The following NOD2 variants were observed in gnomAD, a reference collection of about 807,000 sequenced individuals.
NOD2 encodes nucleotide binding oligomerization domain containing 2.
A neutral mutation model predicts 90.9 loss-of-function variants in NOD2; 86 were observed. The ratio of observed to expected loss-of-function variants is 0.95; its 90% CI spans 0.79 to 1.13. The LOEUF (loss-of-function observed/expected upper bound fraction) is 1.13. Among genes scored for constraint, NOD2 ranks in the 50% most tolerant of loss-of-function variants. NOD2 has a pLI of 0.00. For missense variants in NOD2, 1,238 were observed against 1,283.8 expected (o/e 0.96, Z 0.55); for synonymous variants, 581 against 554.6 (o/e 1.05, Z -0.67).
intron 2 of NOD2, among the ~76,000 whole-genome samples, chr16:50,703,987 T>G (rs779902227): frequency 3.9e-5 from 6 of 152,198 alleles, no homozygotes; most frequent in Non-Finnish European, 8.8e-5. Flanking sequence ...AAGGCTATTA[T>G]AGCTCACAGG....
At chr16:50,721,581 C>T (rs1965064209) in intron 7 of NOD2, among the ~76,000 whole-genome samples, 1 of 152,050 alleles carries the variant, frequency 6.6e-6, no homozygotes, top group South Asian at 2.1e-4. Flanking sequence ...TAGCCTTGAA[C>T]TCCTGAGCTC....
chr16:50,697,282 G>C, intron 1 of NOD2: 1 of 1,560,710 alleles, frequency 6.4e-7, no homozygotes, highest in Non-Finnish European at 8.7e-7. Flanking sequence ...ACGATGAGGA[G>C]GAAAGAGCAA....
intron 1 of NOD2, chr16:50,697,103 C>A: frequency 1.2e-6 from 1 of 806,008 alleles, no homozygotes; most frequent in Non-Finnish European, 2.1e-6. Context: ...TGGCCTCCGG[C>A]TTTTCCTTTG....
In NOD2 at chr16:50,699,614, C is replaced by G. The variant is rs146149433; in HGVS notation, c.119C>G (p.Ser40Cys). The G allele has an allele frequency of 1.1e-5, 17 of 1,613,966 alleles. No homozygotes were observed. The highest frequency in any genetic ancestry group is 1.4e-5 in the Non-Finnish European group (16 of 1,180,028). Residue 40 changes from serine to cysteine, a missense_variant, in exon 2 of 12, where the codon TCC (serine) becomes TGC (cysteine). Ser to Cys is a moderately radical substitution (Grantham distance 112). This residue lies in a region of NOD2 where 567 missense variants were observed against 577.3 expected (regional missense o/e 0.98). Transcript: ENST00000647318. ...LDWLLSWEVL[S>C]WEDYEGFHLL... ...TGGCTGCTGTCCTGGGAGGTCCTCT[C>G]CTGGGAGGACTACGAGGGCTTCCAC... is the stretch of plus-strand genomic sequence containing the variant.
At chr16:50,731,612 C>T (rs1380785875) in intron 11 of NOD2, 135 bp from the exon 12 acceptor site, 4 of 710,416 alleles carry the variant, frequency 5.6e-6, no homozygotes, top group African/African-American at 3.5e-5. Flanking sequence ...CCCTGACTTC[C>T]CTGCAAGAAA....
Position 50,699,503 on chromosome 16 carries a change from C to G in NOD2, c.8C>G (p.Ser3Trp), listed in dbSNP as rs768775316. The G allele has an allele frequency of 5.0e-6, 8 of 1,613,198 alleles. No individual in the cohort carries two copies. Among genetic ancestry groups the G allele is most frequent in the Non-Finnish European group, 6.8e-6 (8 of 1,179,992 alleles). ...TCCTCCCCAGGTTGTGAAATGTGCT[C>G]GCAGGAGGCTTTTCAGGCACAGAGG... MC[S>W]QEAFQAQRSQ... The change falls in exon 2 of 12, where the codon TCG becomes TGG. Residue 3 changes from serine (S) to tryptophan (W), a missense_variant. Ser to Trp is a radical substitution (Grantham distance 177). Transcript: ENST00000647318.
chr16:50,716,485 G>A, intron 4 of NOD2, 102 bp from the exon 5 acceptor site: 4 of 1,139,682 alleles, frequency 3.5e-6, no homozygotes, highest in Non-Finnish European at 5.1e-6. Context: ...AAGCACAGAT[G>A]CTGGCACTTC....
Position 50,712,314 on chromosome 16 carries a change from T to C in NOD2, c.2322T>C (p.Ser774=), listed in dbSNP as rs1195028650. The change falls in exon 4 of 12, where the codon TCT becomes TCC. Residue 774 remains serine (S), a synonymous_variant. Coordinates refer to ENST00000647318, the MANE Select transcript of NOD2 (RefSeq NM_001370466.1). ...TGGCCCTGCAGCTGGACTACAACTC[T>C]GTGGGTGACATTGGCGTGGAGCAGC... ...RPVALQLDYN[S]VGDIGVEQLL... 1.9e-6 allele frequency: 3 copies of C among 1,613,948 alleles called. No individual in the cohort carries two copies. The highest frequency in any genetic ancestry group is 1.7e-6 in the Non-Finnish European group (2 of 1,180,044).
chr16:50,711,317 T>G lies in NOD2; in HGVS notation c.1325T>G (p.Leu442Arg), dbSNP rs1202641657. The G allele has an allele frequency of 1.2e-6, 2 of 1,613,684 alleles. No homozygotes were observed. The highest frequency in any genetic ancestry group is 1.7e-6 in the Non-Finnish European group (2 of 1,180,014). The change falls in exon 4 of 12, where the codon CTC becomes CGC. Residue 442 changes from leucine to arginine, a missense_variant. By Grantham distance (102) the Leu-to-Arg change is moderately radical. Around this residue, in one of 3 missense-constraint regions of NOD2, gnomAD observed 567 missense variants for 577.3 expected, o/e 0.98. Coordinates refer to ENST00000647318, the MANE Select transcript of NOD2 (RefSeq NM_001370466.1). ...RHHEPGVADR[L>R]IRLLQETSAL... ...CATGAGCCCGGGGTGGCGGACCGCC[T>G]CATCCGCCTGCTCCAAGAGACCTCA...
Position 50,703,885 on chromosome 16 carries a change from T to A in NOD2, c.459+3931T>A, listed in dbSNP as rs530777762. Among the ~76,000 whole-genome samples the A allele has an allele frequency of 3.8e-4, 58 of 151,784 alleles. 1 individual carries two copies. Among genetic ancestry groups the A allele is most frequent in the African/African-American group, 1.4e-3 (57 of 41,348 alleles). On this transcript the variant is annotated intron_variant, in intron 2 of 11. Transcript: ENST00000647318. ...TATTGGGCTCATTGCAACTGGAGGGTCTGGTAGGACTGATGTGAATTAGGT... is the reference window on the plus strand; with the variant it reads ...TATTGGGCTCATTGCAACTGGAGGGACTGGTAGGACTGATGTGAATTAGGT...
intron 4 of NOD2, chr16:50,712,611 A>C: frequency 9.5e-5 from 56 of 587,420 alleles, no homozygotes; most frequent in East Asian, 2.0e-4. Context: ...GAATGACCTC[A>C]TCTAATCTCT....
Position 50,710,654 on chromosome 16 carries a change from T to C in NOD2, c.662T>C (p.Leu221Pro). Residue 221 changes from leucine to proline, a missense_variant, in exon 4 of 12, where the codon CTG (leucine) becomes CCG (proline). Physicochemically the swap from Leu to Pro is moderately conservative, Grantham distance 98. Transcript: ENST00000647318. ...TATGATGGAGCAGAGACGCTCTGCC[T>C]GGAGGACATATACACAGAGAATGTC... Reference protein sequence around the residue: ...STYDGAETLCLEDIYTENVLE... With the variant: ...STYDGAETLCPEDIYTENVLE... The C allele has an allele frequency of 6.2e-7, 1 of 1,614,204 alleles. No individual in the cohort carries two copies. The highest frequency in any genetic ancestry group is 1.6e-4 in the Middle Eastern group (1 of 6,062).
At chr16:50,730,955 T>C (rs1160773947) in intron 11 of NOD2, among the ~76,000 whole-genome samples, 1 of 152,138 alleles carries the variant, frequency 6.6e-6, no homozygotes, top group East Asian at 1.9e-4. Flanking sequence ...TCCTAGCACT[T>C]TGGGAGGCTG....
In NOD2 at chr16:50,711,702, G is replaced by C. The variant is rs140312093; in HGVS notation, c.1710G>C (p.Ala570=). 6.2e-7 allele frequency: 1 copy of C among 1,613,922 alleles called. No homozygotes were observed. Among genetic ancestry groups the C allele is most frequent in the Non-Finnish European group, 8.5e-7 (1 of 1,180,010 alleles). The change falls in exon 4 of 12, where the codon GCG becomes GCC. Residue 570 remains alanine, a synonymous_variant. Transcript: ENST00000647318. ...RAKGVVPGST[A]PLEFLHITFQ... ...AAGGTGTCGTGCCAGGGAGTACGGCGCCCCTGGAATTCCTTCACATCACTT... is the reference window on the plus strand; with the variant it reads ...AAGGTGTCGTGCCAGGGAGTACGGCCCCCCTGGAATTCCTTCACATCACTT...
At chr16:50,731,164 A>C (rs1965439923) in intron 11 of NOD2, among the ~76,000 whole-genome samples, 2 of 152,146 alleles carry the variant, frequency 1.3e-5, no homozygotes, top group Non-Finnish European at 2.9e-5. Flanking sequence ...CCCATCTCTT[A>C]AAAAAATAAA....
rs1337200513 is a variant in NOD2 at position 50,720,109 on chromosome 16, G to A, written c.2633+101G>A. On this transcript the variant is annotated intron_variant, in intron 7 of 11. Coordinates refer to ENST00000647318, the MANE Select transcript of NOD2 (RefSeq NM_001370466.1). ...CTTCAGCCAGGAGGCCCCAGAGGCA[G>A]CCCAGCTCCAGTGGGGAGGACAAGC... 7 of 1,067,660 alleles carry A rather than the reference G, an allele frequency of 6.6e-6. No homozygotes were observed. The African/African-American group carries it at 1.1e-4, about 17-fold the overall frequency. 66.1% of individuals were successfully genotyped at this position (1,067,660 alleles called of 1,614,324 possible).
intron 6 of NOD2, 39 bp from the exon 7 acceptor site, chr16:50,719,886 C>T: frequency 1.9e-6 from 3 of 1,578,454 alleles, no homozygotes; most frequent in Non-Finnish European, 2.6e-6. Context: ...TTTCTGCCTG[C>T]CGCTGTGTTC....
chr16:50,707,250 G>A (rs1964237480), intron 2 of NOD2, among the ~76,000 whole-genome samples: 1 of 152,222 alleles, frequency 6.6e-6, no homozygotes, highest in East Asian at 1.9e-4. Flanking sequence ...ACAGACGAGA[G>A]GCTTCAAGGG....
chr16:50,716,762 G>A, intron 5 of NOD2, 92 bp downstream of exon 5: 2 of 1,491,690 alleles, frequency 1.3e-6, no homozygotes, highest in East Asian at 2.3e-5. Flanking sequence ...GATGGGCTGG[G>A]GCAGGGGCTG....
Sources: allele counts gnomAD v4.1 joint callset (sites outside exome capture counted in the v4.1 genomes callset), GRCh38; gene constraint gnomAD v4.1.1; regional missense constraint gnomAD v4.1.1; transcripts MANE v1.5; gene names NCBI Gene and HGNC (gene_info 2026-07-23, HGNC 2026-07-21).